Variants in COL26A1 observed in about 807,000 individuals in gnomAD.
COL26A1 encodes collagen type XXVI alpha 1 chain, also known as collagen alpha-1(XXVI) chain.
A neutral mutation model predicts 59.3 loss-of-function variants in COL26A1; 41 were observed. The observed-to-expected ratio is 0.69, with a 90% confidence interval of 0.54 to 0.90. COL26A1 has a LOEUF of 0.90. Ranked by LOEUF, COL26A1 falls within the 40% of genes least tolerant of loss-of-function variation. The pLI, the probability that COL26A1 is intolerant of heterozygous loss-of-function variation, is 0.00. For synonymous variants in COL26A1, 266 were observed against 256.0 expected (o/e 1.04, Z -0.37); for missense variants, 612 against 602.3 (o/e 1.02, Z -0.17).
intron 4 of COL26A1, among the ~76,000 whole-genome samples, chr7:101,538,727 G>A (rs956245831): frequency 6.6e-6 from 1 of 152,104 alleles, no homozygotes; most frequent in Non-Finnish European, 1.5e-5. Context: ...CTGAGCAGCC[G>A]CTAAGTGCAC....
intron 3 of COL26A1, among the ~76,000 whole-genome samples, chr7:101,456,929 C>T (rs750822327): frequency 5.9e-5 from 9 of 152,152 alleles, no homozygotes; most frequent in South Asian, 4.1e-4. Context: ...TCCTGCCTGC[C>T]GCCCAGACAA....
intron 1 of COL26A1, among the ~76,000 whole-genome samples, chr7:101,366,205 G>A (rs1373173946): frequency 6.6e-6 from 1 of 152,232 alleles, no homozygotes; most frequent in Non-Finnish European, 1.5e-5. Context: ...GCAGGCACCT[G>A]GTTGTTGCCT....
intron 1 of COL26A1, among the ~76,000 whole-genome samples, chr7:101,368,589 C>T (rs1195383104): frequency 6.6e-6 from 1 of 152,162 alleles, no homozygotes. Context: ...GCAGGAATTT[C>T]TAGGATGAAG....
intron 3 of COL26A1, among the ~76,000 whole-genome samples, chr7:101,525,706 C>T (rs1037684691): frequency 6.6e-6 from 1 of 152,000 alleles, no homozygotes; most frequent in Non-Finnish European, 1.5e-5. Context: ...CTGTGTTAGC[C>T]AGGATGGTCT....
chr7:101,555,971 C>T lies in COL26A1; in HGVS notation c.1165+100C>T, dbSNP rs987435531. 9.7e-6 allele frequency: 10 copies of T among 1,026,548 alleles called. No individual in the cohort carries two copies. In the East Asian group the frequency reaches 2.4e-4, roughly 25 times the overall value. The allele number at this position is 1,026,548 out of a possible 1,614,324, so 63.6% of individuals were successfully genotyped here. On this transcript the variant is annotated intron_variant, in intron 12 of 12. Coordinates refer to ENST00000313669, the MANE Select transcript of COL26A1 (RefSeq NM_001278563.3). ...GCTGCCTAGGGTCTCTGGTCTCCCT[C>T]CCTTGCCCCTAGTCTGACCCTCCCC...
chr7:101,465,034 CTTTTTTTT>C (rs112899121), intron 3 of COL26A1, among the ~76,000 whole-genome samples: 4 of 130,030 alleles, frequency 3.1e-5, no homozygotes, highest in South Asian at 2.5e-4. Context: ...TTCTTTCTTT[CTTTTTTTT>C]TTTTTTTTTT....
intron 3 of COL26A1, among the ~76,000 whole-genome samples, chr7:101,504,894 G>A (rs777809967): frequency 3.3e-5 from 5 of 152,104 alleles, no homozygotes; most frequent in Admixed American, 6.6e-5. Flanking sequence ...GGTGGCTCAC[G>A]CCTGTAATCC....
At chr7:101,377,732 T>C (rs552625324) in intron 1 of COL26A1, among the ~76,000 whole-genome samples, 1 of 152,280 alleles carries the variant, frequency 6.6e-6, no homozygotes, top group Non-Finnish European at 1.5e-5. Flanking sequence ...CAGCAGTGAC[T>C]TACTTCTGAA....
intron 10 of COL26A1, among the ~76,000 whole-genome samples, chr7:101,552,918 A>G (rs1342679768): frequency 1.3e-5 from 2 of 152,204 alleles, no homozygotes; most frequent in Admixed American, 6.5e-5. Flanking sequence ...AAATAAATAA[A>G]TAAATAAAAT....
intron 3 of COL26A1, among the ~76,000 whole-genome samples, chr7:101,508,895 G>T (rs978225694): frequency 6.6e-6 from 1 of 151,694 alleles, no homozygotes; most frequent in African/African-American, 2.4e-5. Flanking sequence ...CAGCTACTCA[G>T]CCAGGAGGCT....
rs908814546 is a variant in COL26A1 at position 101,555,705 on chromosome 7, C to T, written c.1081-82C>T. On this transcript the variant is annotated intron_variant, in intron 11 of 12. Transcript: ENST00000313669. Reference sequence around the variant, plus strand: ...AGGCAGGGGTGGGGGGCTTTGAGGACACATACACTGTCACTGTATCAGGAT... The same window carrying T: ...AGGCAGGGGTGGGGGGCTTTGAGGATACATACACTGTCACTGTATCAGGAT... The T allele has an allele frequency of 4.5e-5, 45 of 999,292 alleles. No individual in the cohort carries two copies. The African/African-American group carries it at 6.5e-4, about 14-fold the overall frequency. 61.9% of individuals were successfully genotyped at this position (999,292 alleles called of 1,614,324 possible). A position where few individuals can be genotyped will look rare whatever the true frequency, so the allele number is the denominator to read the frequency against.
Position 101,489,752 on chromosome 7 carries a change from G to GTCTC in COL26A1, c.385+41969_385+41972dup, listed in dbSNP as rs748699213. 7.8e-3 allele frequency among the ~76,000 whole-genome samples: 198 copies of GTCTC among 25,378 alleles called. 45 individuals are homozygous for GTCTC. Among genetic ancestry groups the GTCTC allele is most frequent in the Middle Eastern group, 0.045 (2 of 44 alleles). The allele number at this position is 25,378 out of a possible 152,430, so 16.6% of individuals were successfully genotyped here. A position where few individuals can be genotyped will look rare whatever the true frequency, so the allele number is the denominator to read the frequency against. On this transcript the variant is annotated intron_variant, in intron 3 of 12. Transcript: ENST00000313669. ...CTCTCTCTTTCTCTCTTTCTTTCTT[G>GTCTC]TCTCTCTTTCTTTCTTTCTTTCTTT... is the stretch of plus-strand genomic sequence containing the variant.
chr7:101,501,188 A>G (rs1794697296), intron 3 of COL26A1, among the ~76,000 whole-genome samples: 1 of 136,262 alleles, frequency 7.3e-6, no homozygotes, highest in Non-Finnish European at 1.6e-5. Flanking sequence ...TCCGTCTCAA[A>G]AAAAAAAAAA....
intron 5 of COL26A1, among the ~76,000 whole-genome samples, chr7:101,541,245 C>T (rs1795610948): frequency 2.0e-5 from 3 of 152,236 alleles, no homozygotes; most frequent in Non-Finnish European, 2.9e-5. Context: ...GAACTTACTG[C>T]TTCCCACCTC....
chr7:101,455,581 C>G (rs1183142051), intron 3 of COL26A1, among the ~76,000 whole-genome samples: 1 of 149,686 alleles, frequency 6.7e-6, no homozygotes, highest in Non-Finnish European at 1.5e-5. Flanking sequence ...CAGCTCACTG[C>G]AACCTCCGCC....
At chr7:101,381,054 T>C (rs964187774) in intron 1 of COL26A1, among the ~76,000 whole-genome samples, 1 of 152,230 alleles carries the variant, frequency 6.6e-6, no homozygotes, top group Admixed American at 6.5e-5. Context: ...GTTTTGCTGC[T>C]GTAACAAATT....
At chr7:101,413,995 A>C (rs1015512301) in intron 1 of COL26A1, among the ~76,000 whole-genome samples, 2 of 152,196 alleles carry the variant, frequency 1.3e-5, no homozygotes, top group African/African-American at 4.8e-5. Flanking sequence ...ACCACCAGAC[A>C]GCAGACAGAG....
chr7:101,507,184 G>C lies in COL26A1; in HGVS notation c.386-25898G>C, dbSNP rs569864169. 1.7e-3 allele frequency among the ~76,000 whole-genome samples: 257 copies of C among 152,192 alleles called. 1 individual carries two copies. Among genetic ancestry groups the C allele is most frequent in the African/African-American group, 6.0e-3 (251 of 41,534 alleles). ...CCTGCCTCGGCCTCCCAAAGTACTG[G>C]GATTACAGATGTGAGCCACCGCGCC... is the stretch of plus-strand genomic sequence containing the variant. On this transcript the variant is annotated intron_variant, in intron 3 of 12. Transcript: ENST00000313669.
chr7:101,516,398 A>C (rs1795029379), intron 3 of COL26A1, among the ~76,000 whole-genome samples: 1 of 152,060 alleles, frequency 6.6e-6, no homozygotes. Context: ...CAGCCTCTCG[A>C]ATAGCCGGGA....
Sources: gnomAD v4.1 joint callset for allele counts (sites outside exome capture counted in the v4.1 genomes callset) on GRCh38, gnomAD v4.1.1 for gene constraint, MANE v1.5 for transcripts, NCBI Gene and HGNC (gene_info 2026-07-23, HGNC 2026-07-21) for gene names.